The following CNOT7 variants were observed in gnomAD, a reference collection of about 807,000 sequenced individuals.
The protein encoded by CNOT7 is CCR4-NOT transcription complex subunit 7.
In CNOT7, 4 loss-of-function variants were observed where a neutral mutation model predicts 37.1. That is an observed-to-expected ratio of 0.11 (90% CI 0.05 to 0.25). CNOT7 has a LOEUF of 0.25. CNOT7 is among the 10% of genes least tolerant of loss of function. The pLI is 1.00. For missense variants in CNOT7, 170 were observed against 336.2 expected, an observed-to-expected ratio of 0.51 and a Z score of 3.87; for synonymous variants, 128 against 115.6, an observed-to-expected ratio of 1.11 and a Z score of -0.69.
chr8:17,243,678 A>G (rs1326199393), intron 2 of CNOT7: 46 of 455,952 alleles, frequency 1.0e-4, no homozygotes, highest in Non-Finnish European at 2.0e-4. Context: ...TATTCTCTCT[A>G]TAGTCCACAG....
intron 6 of CNOT7, chr8:17,231,591 T>C (rs1454910896): frequency 5.1e-6 from 5 of 985,210 alleles, no homozygotes; most frequent in East Asian, 1.1e-4. Context: ...CTCAATTTAA[T>C]GTCTAAGAGA....
chr8:17,243,420 A>G (rs561508198), intron 2 of CNOT7: 15 of 636,728 alleles, frequency 2.4e-5, no homozygotes, highest in Non-Finnish European at 3.7e-5. Context: ...GATACATGTG[A>G]TAAATTTAAC....
At chr8:17,244,379 T>C (rs1810605659) in intron 2 of CNOT7, 1 of 152,222 alleles carries the variant, frequency 6.6e-6, no homozygotes, top group East Asian at 1.9e-4. Flanking sequence ...TTTTTTTGTT[T>C]GAGAAAGAGC....
intron 4 of CNOT7, 25 bp downstream of exon 4, chr8:17,237,187 G>A: frequency 1.2e-6 from 2 of 1,608,324 alleles, no homozygotes; most frequent in Non-Finnish European, 8.5e-7. Flanking sequence ...AAAAACAAAT[G>A]CCATTTTCAA....
At chr8:17,242,828 C>A in intron 3 of CNOT7, 164 bp downstream of exon 3, 1 of 449,322 alleles carries the variant, frequency 2.2e-6, no homozygotes, top group South Asian at 5.7e-5. Context: ...TTTTTGGTCC[C>A]ATAGTAAAAA....
rs866815632 is a variant in CNOT7, at chr8:17,234,355, C to T, written c.618+361G>A. On this transcript the variant is annotated intron_variant, in intron 5 of 6. Coordinates refer to ENST00000361272, the MANE Select transcript of CNOT7 (RefSeq NM_013354.7). ...CACCTTAGATTCCACCTTGTAAGAA[C>T]AGATTCTATGCGTCTTGGGAGAAAG... Among the ~76,000 whole-genome samples, 3 of 152,308 alleles carry T rather than the reference C, an allele frequency of 2.0e-5. No homozygotes were observed. The East Asian group carries it at 5.8e-4, about 29-fold the overall frequency.
chr8:17,232,080 A>G (rs1402509506), intron 6 of CNOT7: 1 of 1,017,258 alleles, frequency 9.8e-7, no homozygotes, highest in Admixed American at 5.4e-5. Flanking sequence ...AATGGGAGTC[A>G]GAAAAGAACT....
rs924537544 is a variant in CNOT7 at position 17,228,208 on chromosome 8, C to A, written c.*2512G>T. On this transcript the variant is annotated 3_prime_UTR_variant, in exon 7 of 7. Coordinates refer to ENST00000361272, the MANE Select transcript of CNOT7 (RefSeq NM_013354.7). ...ACAGGCAGCAAGCTGATTCTGGCTA[C>A]GGGCCATAGTTTGACAACCCTTGCT... The A allele has an allele frequency of 1.3e-5, 2 of 151,834 alleles. No individual in the cohort carries two copies. Among genetic ancestry groups the A allele is most frequent in the Non-Finnish European group, 2.9e-5 (2 of 67,826 alleles). The allele number at this position is 151,834 out of a possible 1,614,324, so 9.4% of individuals were successfully genotyped here. A position where few individuals can be genotyped will look rare whatever the true frequency, so the allele number is the denominator to read the frequency against.
chr8:17,229,460 C>T lies in CNOT7; in HGVS notation c.*1260G>A, dbSNP rs1211271618. On this transcript the variant is annotated 3_prime_UTR_variant, in exon 7 of 7. Transcript: ENST00000361272. ...CATTATAACTTGTAGTCCATCATTT[C>T]GGGGTAGAGTTAATGATTACCGTAA... 5 of 152,134 alleles carry T rather than the reference C, an allele frequency of 3.3e-5. No individual in the cohort carries two copies. The highest frequency in any genetic ancestry group is 1.9e-4 in the East Asian group (1 of 5,182). The allele number at this position is 152,134 out of a possible 1,614,324, so 9.4% of individuals were successfully genotyped here.
chr8:17,243,042 T>C lies in CNOT7; in HGVS notation c.261A>G (p.Glu87=). 1 of 1,607,060 alleles carries C rather than the reference T, an allele frequency of 6.2e-7. No individual in the cohort carries two copies. Among genetic ancestry groups the C allele is most frequent in the Non-Finnish European group, 8.5e-7 (1 of 1,177,684 alleles). Residue 87 remains glutamate (E), a synonymous_variant, in exon 3 of 7, where the codon GAA becomes GAG. Coordinates refer to ENST00000361272, the MANE Select transcript of CNOT7 (RefSeq NM_013354.7). Reference sequence around the variant, plus strand: ...GCCAAGTTGAAGTTCCTGGAGGGTATTCTCCTTGCTCATTCATAAATGTCA... The same window carrying C: ...GCCAAGTTGAAGTTCCTGGAGGGTACTCTCCTTGCTCATTCATAAATGTCA... ...LGLTFMNEQG[E]YPPGTSTWQF...
intron 5 of CNOT7, among the ~76,000 whole-genome samples, chr8:17,232,828 C>A (rs867578655): frequency 6.6e-6 from 1 of 151,944 alleles, no homozygotes; most frequent in Middle Eastern, 3.2e-3. Context: ...GGAAGCAGAC[C>A]ACATATAGGG....
intron 6 of CNOT7, chr8:17,232,163 T>C (rs1303100602): frequency 5.1e-6 from 6 of 1,169,420 alleles, no homozygotes; most frequent in Non-Finnish European, 4.3e-6. Flanking sequence ...AGAAATAATA[T>C]GGTTGGACCT....
chr8:17,237,419 C>A, intron 3 of CNOT7, 46 bp from the exon 4 acceptor site: 1 of 1,580,542 alleles, frequency 6.3e-7, no homozygotes, highest in South Asian at 1.1e-5. Context: ...GCCATTACTT[C>A]AAACAAGCTG....
At position 17,225,331 on chromosome 8, in the gene CNOT7, C is replaced by T. The variant is rs1479637304; in HGVS notation, c.*5389G>A. On this transcript the variant is annotated 3_prime_UTR_variant, in exon 7 of 7. Coordinates refer to ENST00000361272, the MANE Select transcript of CNOT7 (RefSeq NM_013354.7). ...CTCCTATGACAATAAAGCAAGAGGG[C>T]AGATTATATTCATGAATGCTTCTCA... 6.6e-6 allele frequency: 1 copy of T among 151,632 alleles called. No homozygotes were observed. The highest frequency in any genetic ancestry group is 1.5e-5 in the Non-Finnish European group (1 of 67,678). 9.4% of individuals were successfully genotyped at this position (151,632 alleles called of 1,614,324 possible).
chr8:17,243,310 A>G (rs1810442207), intron 2 of CNOT7, 125 bp from the exon 3 acceptor site: 2 of 731,282 alleles, frequency 2.7e-6, no homozygotes, highest in Non-Finnish European at 2.3e-6. Context: ...ATTCAATTAC[A>G]AAGTATATTT....
At position 17,239,959 on chromosome 8, in the gene CNOT7, A is replaced by T. The variant is rs573642331; in HGVS notation, c.312-2586T>A. ...AGAATTCCCATACGTTACAATTGTA[A>T]TTCTTAGACTTAGGCAATAGAGAGA... is the stretch of plus-strand genomic sequence containing the variant. On this transcript the variant is annotated intron_variant, in intron 3 of 6. Transcript: ENST00000361272. Among the ~76,000 whole-genome samples the T allele has an allele frequency of 2.0e-5, 3 of 152,324 alleles. No homozygotes were observed. The South Asian group carries it at 6.2e-4, about 32-fold the overall frequency.
Position 17,229,839 on chromosome 8 carries a change from TA to T in CNOT7, c.*880del, listed in dbSNP as rs35998159. ...GCATCATAAGAATGGCTACAAAATT[TA>T]AAAAAAAAAAAAGGGTAAATGGTGA... On this transcript the variant is annotated 3_prime_UTR_variant, in exon 7 of 7. Transcript: ENST00000361272. The T allele has an allele frequency of 0.42, 60,273 of 144,466 alleles. 14,342 individuals are homozygous for T. Among genetic ancestry groups the T allele is most frequent in the Non-Finnish European group, 0.55 (36,583 of 66,136 alleles). 8.9% of individuals were successfully genotyped at this position (144,466 alleles called of 1,614,324 possible).
intron 2 of CNOT7, chr8:17,244,321 A>G (rs557565399): frequency 6.6e-6 from 1 of 152,424 alleles, no homozygotes; most frequent in Non-Finnish European, 1.5e-5. Flanking sequence ...TCCAGTGTTA[A>G]TTATGAAAAC....
At chr8:17,243,277 C>G in intron 2 of CNOT7, 92 bp from the exon 3 acceptor site, 1 of 942,812 alleles carries the variant, frequency 1.1e-6, no homozygotes, top group Non-Finnish European at 1.6e-6. Flanking sequence ...AAGAATCCTA[C>G]AGATGATATT....
Sources: allele counts gnomAD v4.1 joint callset (sites outside exome capture counted in the v4.1 genomes callset), GRCh38; gene constraint gnomAD v4.1.1; transcripts MANE v1.5; gene names NCBI Gene and HGNC (gene_info 2026-07-23, HGNC 2026-07-21).